Variants in GTPBP10 observed in about 807,000 individuals in gnomAD.
GTPBP10 encodes GTP-binding protein 10.
In GTPBP10, 38 loss-of-function variants were observed where a neutral mutation model predicts 44.8. The ratio of observed to expected loss-of-function variants is 0.85; its 90% CI spans 0.65 to 1.11. GTPBP10 has a LOEUF of 1.11. GTPBP10 is among the 50% of genes most tolerant of loss of function. GTPBP10 has a pLI of 0.00. For synonymous variants in GTPBP10, 152 were observed against 150.6 expected (o/e 1.01, Z -0.07); for missense variants, 462 against 453.7 (o/e 1.02, Z -0.17).
intron 4 of GTPBP10, among the ~76,000 whole-genome samples, chr7:90,364,034 G>A (rs562937189): frequency 1.2e-4 from 18 of 152,260 alleles, no homozygotes; most frequent in East Asian, 1.9e-4. Flanking sequence ...TTAGCCATTC[G>A]TCTAATCTTT....
rs903643194 is a variant in GTPBP10 at position 90,390,474 on chromosome 7, A to G, written c.*5320A>G. On this transcript the variant is annotated 3_prime_UTR_variant, in exon 10 of 10. Coordinates refer to ENST00000222511, the MANE Select transcript of GTPBP10 (RefSeq NM_033107.4). ...TCAGAGAAAGTAATCACCTTTGTAT[A>G]TATTATTAATGTGTTTATAATAGAA... The G allele has an allele frequency of 2.6e-5, 4 of 152,224 alleles. No individual in the cohort carries two copies. The highest frequency in any genetic ancestry group is 4.4e-5 in the Non-Finnish European group (3 of 68,054). The allele number at this position is 152,224 out of a possible 1,614,324, so 9.4% of individuals were successfully genotyped here. A position where few individuals can be genotyped will look rare whatever the true frequency, so the allele number is the denominator to read the frequency against.
chr7:90,371,299 G>C, intron 4 of GTPBP10: 1 of 308,338 alleles, frequency 3.2e-6, no homozygotes, highest in Non-Finnish European at 4.7e-6. Context: ...TAGGAAATTA[G>C]TTAAGTAAAT....
At chr7:90,366,371 C>G (rs948014765) in intron 4 of GTPBP10, among the ~76,000 whole-genome samples, 2 of 152,102 alleles carry the variant, frequency 1.3e-5, no homozygotes, top group Admixed American at 1.3e-4. Context: ...CCTCTTTGTA[C>G]CTCTGGTAGA....
intron 4 of GTPBP10, among the ~76,000 whole-genome samples, chr7:90,368,025 C>T (rs1309381748): frequency 3.3e-5 from 5 of 152,256 alleles, no homozygotes; most frequent in South Asian, 4.1e-4. Context: ...GATTTTATTT[C>T]TCCTTCACTT....
At chr7:90,370,466 T>C (rs1796235789) in intron 4 of GTPBP10, among the ~76,000 whole-genome samples, 1 of 152,002 alleles carries the variant, frequency 6.6e-6, no homozygotes, top group Non-Finnish European at 1.5e-5. Context: ...TGCCACATAT[T>C]GTCACTTATA....
chr7:90,346,919 C>CGGAGAA, intron 1 of GTPBP10, 145 bp downstream of exon 1: 1 of 874,546 alleles, frequency 1.1e-6, no homozygotes, highest in Non-Finnish European at 1.9e-6. Flanking sequence ...CCTGTAGTGG[C>CGGAGAA]GCTTTGTCAG....
chr7:90,366,732 A>C (rs74832103), intron 4 of GTPBP10, among the ~76,000 whole-genome samples: 2 of 148,280 alleles, frequency 1.3e-5, no homozygotes, highest in African/African-American at 2.5e-5. Context: ...AAAAAAAAAA[A>C]CCAGCTCCTG....
intron 4 of GTPBP10, among the ~76,000 whole-genome samples, chr7:90,358,886 A>C (rs1795957086): frequency 6.6e-6 from 1 of 152,210 alleles, no homozygotes; most frequent in African/African-American, 2.4e-5. Flanking sequence ...TCTGCAAGGA[A>C]CTCAGATCAG....
intron 4 of GTPBP10, among the ~76,000 whole-genome samples, chr7:90,366,665 C>T (rs1382665416): frequency 1.3e-5 from 2 of 148,952 alleles, no homozygotes; most frequent in Admixed American, 6.7e-5. Context: ...TGATTCTTCC[C>T]TCATTTCTTC....
chr7:90,385,633 A>AT lies in GTPBP10; in HGVS notation c.*486dup, dbSNP rs1233571666. 2 of 152,028 alleles carry AT rather than the reference A, an allele frequency of 1.3e-5. No homozygotes were observed. The highest frequency in any genetic ancestry group is 4.8e-5 in the African/African-American group (2 of 41,346). The allele number at this position is 152,028 out of a possible 1,614,324, so 9.4% of individuals were successfully genotyped here. On this transcript the variant is annotated 3_prime_UTR_variant, in exon 10 of 10. Coordinates refer to ENST00000222511, the MANE Select transcript of GTPBP10 (RefSeq NM_033107.4). ...ACGTCATTTTTTAAAATTATATTTA[A>AT]TTTTTTTATTTTGAAAGTTTTTTCA...
At chr7:90,358,183 A>G (rs775358921) in intron 4 of GTPBP10, among the ~76,000 whole-genome samples, 1 of 152,182 alleles carries the variant, frequency 6.6e-6, no homozygotes, top group African/African-American at 2.4e-5. Context: ...TCCCTTTTAC[A>G]ATAGCTACAA....
intron 4 of GTPBP10, among the ~76,000 whole-genome samples, chr7:90,366,075 T>C (rs112236607): frequency 0.015 from 2,356 of 152,334 alleles, 59 homozygotes; most frequent in African/African-American, 0.052. Flanking sequence ...TTTATTGATT[T>C]GTGTACATTG....
In GTPBP10 at chr7:90,371,346, T is replaced by C. The variant is rs17866422; in HGVS notation, c.465-809T>C. On this transcript the variant is annotated intron_variant, in intron 4 of 9. Transcript: ENST00000222511. ...ATTGAAAAGTGTTCACCTTATATGA[T>C]TCAGTTTAAAGAGTAGGCCAAGCAA... 8.3e-3 allele frequency: 1,444 copies of C among 173,240 alleles called. 32 individuals carry two copies. Among genetic ancestry groups the C allele is most frequent in the African/African-American group, 0.032 (1,355 of 41,926 alleles). The allele number at this position is 173,240 out of a possible 1,614,324, so 10.7% of individuals were successfully genotyped here.
chr7:90,374,416 C>G, intron 6 of GTPBP10, 62 bp downstream of exon 6: 1 of 1,047,806 alleles, frequency 9.5e-7, no homozygotes. Flanking sequence ...TTGGTACGTA[C>G]TTGGATATTA....
chr7:90,349,534 G>T (rs757828377), intron 1 of GTPBP10, among the ~76,000 whole-genome samples: 1 of 152,168 alleles, frequency 6.6e-6, no homozygotes, highest in African/African-American at 2.4e-5. Flanking sequence ...CAGAGAAAAG[G>T]TTTTTGTTCT....
At chr7:90,350,361 A>G (rs1357110530) in intron 1 of GTPBP10, among the ~76,000 whole-genome samples, 1 of 152,238 alleles carries the variant, frequency 6.6e-6, no homozygotes, top group Non-Finnish European at 1.5e-5. Flanking sequence ...CACAATAAAC[A>G]TACGTGTGCA....
intron 4 of GTPBP10, 68 bp from the exon 5 acceptor site, chr7:90,372,087 C>A: frequency 1.1e-6 from 1 of 921,932 alleles, no homozygotes; most frequent in Non-Finnish European, 1.7e-6. Flanking sequence ...ATGAAGTCTA[C>A]TTGAATTGTT....
chr7:90,346,853 C>CTG (rs1795686078), intron 1 of GTPBP10, 79 bp downstream of exon 1: 1 of 1,477,850 alleles, frequency 6.8e-7, no homozygotes, highest in African/African-American at 1.4e-5. Context: ...CTCTCCACTA[C>CTG]TGTCTTCGTG....
rs1055462713 is a variant in GTPBP10, at chr7:90,387,755, C to T, written c.*2601C>T. The T allele has an allele frequency of 6.6e-6, 1 of 152,158 alleles. No homozygotes were observed. Among genetic ancestry groups the T allele is most frequent in the African/African-American group, 2.4e-5 (1 of 41,438 alleles). 9.4% of individuals were successfully genotyped at this position (152,158 alleles called of 1,614,324 possible). ...ATCTTGCCTTTGATAACAGAAACTGCAGGGGATTGGAATAGCCTCTTTACA... is the reference window on the plus strand; with the variant it reads ...ATCTTGCCTTTGATAACAGAAACTGTAGGGGATTGGAATAGCCTCTTTACA... On this transcript the variant is annotated 3_prime_UTR_variant, in exon 10 of 10. Transcript: ENST00000222511.
Sources: gnomAD v4.1 joint callset for allele counts (sites outside exome capture counted in the v4.1 genomes callset) on GRCh38, gnomAD v4.1.1 for gene constraint, MANE v1.5 for transcripts, NCBI Gene and HGNC (gene_info 2026-07-23, HGNC 2026-07-21) for gene names.